The following LTBP1 variants were observed in gnomAD, a reference collection of about 807,000 sequenced individuals.
LTBP1 encodes latent transforming growth factor beta binding protein 1.
Under a neutral mutation model 207.6 loss-of-function variants are expected in LTBP1, and 129 were observed. The ratio of observed to expected loss-of-function variants is 0.62; its 90% CI spans 0.54 to 0.72. The LOEUF (loss-of-function observed/expected upper bound fraction) is 0.72, where lower values mean the gene tolerates loss of function less well. Ranked by LOEUF, LTBP1 falls within the 30% of genes least tolerant of loss-of-function variation. The pLI, the probability that LTBP1 is intolerant of heterozygous loss-of-function variation, is 0.00. For missense variants in LTBP1, 2,281 were observed against 2,217.2 expected, an observed-to-expected ratio of 1.03 and a Z score of -0.58; for synonymous variants, 963 against 833.7, an observed-to-expected ratio of 1.16 and a Z score of -2.67.
rs1326452939 is a variant in LTBP1 at position 33,222,103 on chromosome 2, A to G, written c.1828A>G (p.Met610Val). ...KPSYHGYNQMMECLPGYKRVN... is the reference protein window; with the variant it reads ...KPSYHGYNQMVECLPGYKRVN... ...AGCTTATCATGGATACAACCAAATG[A>G]TGGAATGCCTACCGGGTTATAAGCG... The change falls in exon 9 of 34, where the codon ATG (methionine) becomes GTG (valine). Residue 610 changes from methionine (M) to valine (V), a missense_variant. Physicochemically the swap from Met to Val is conservative, Grantham distance 21 (BLOSUM62 1). Coordinates refer to ENST00000404816, the MANE Select transcript of LTBP1 (RefSeq NM_206943.4). 2 of 1,612,944 alleles carry G rather than the reference A, an allele frequency of 1.2e-6. No homozygotes were observed. The highest frequency in any genetic ancestry group is 2.2e-5 in the East Asian group (1 of 44,868).
At chr2:33,315,363 C>G (rs1008896897) in intron 24 of LTBP1, 94 bp downstream of exon 24, 7 of 1,474,528 alleles carry the variant, frequency 4.7e-6, no homozygotes, top group Non-Finnish European at 5.6e-6. Flanking sequence ...CTAAGAGGTA[C>G]TGCATAATTC....
intron 7 of LTBP1, among the ~76,000 whole-genome samples, chr2:33,190,092 T>C (rs1436983283): frequency 6.6e-6 from 1 of 152,146 alleles, no homozygotes; most frequent in Admixed American, 6.5e-5. Context: ...AAGTGTAACT[T>C]TAGGCCTACA....
intron 22 of LTBP1, among the ~76,000 whole-genome samples, chr2:33,306,121 GC>G (rs2094087797): frequency 6.6e-6 from 1 of 151,850 alleles, no homozygotes; most frequent in Non-Finnish European, 1.5e-5. Context: ...TAAAGGCCTT[GC>G]AAAAAAAAAT....
intron 3 of LTBP1, among the ~76,000 whole-genome samples, chr2:33,072,412 C>G (rs1273664688): frequency 1.3e-5 from 2 of 152,134 alleles, no homozygotes; most frequent in African/African-American, 4.8e-5. Context: ...CAAGGCCTGT[C>G]CAGATTCTCA....
chr2:33,242,411 A>G (rs890597789), intron 9 of LTBP1, among the ~76,000 whole-genome samples: 5 of 152,050 alleles, frequency 3.3e-5, no homozygotes, highest in African/African-American at 7.2e-5. Flanking sequence ...TTAAGTGTCT[A>G]TTTGTAGCAG....
At chr2:33,238,239 C>T (rs767783355) in intron 9 of LTBP1, among the ~76,000 whole-genome samples, 8 of 152,172 alleles carry the variant, frequency 5.3e-5, no homozygotes, top group Non-Finnish European at 1.0e-4. Flanking sequence ...TATTTTCACA[C>T]AGTAGAAAGA....
At chr2:33,345,172 A>T (rs1367856996) in intron 25 of LTBP1, among the ~76,000 whole-genome samples, 1 of 152,164 alleles carries the variant, frequency 6.6e-6, no homozygotes, top group Non-Finnish European at 1.5e-5. Flanking sequence ...CTCATCCTTC[A>T]GCTATTTGCT....
chr2:32,991,176 G>C (rs1033228675), intron 2 of LTBP1, among the ~76,000 whole-genome samples: 1 of 152,106 alleles, frequency 6.6e-6, no homozygotes, highest in African/African-American at 2.4e-5. Context: ...CAGAAGATAT[G>C]ATCTTATATG....
intron 24 of LTBP1, among the ~76,000 whole-genome samples, chr2:33,318,510 A>G (rs1207375675): frequency 2.6e-5 from 4 of 152,232 alleles, no homozygotes; most frequent in African/African-American, 9.6e-5. Context: ...TGTTTATAAC[A>G]CAGCATAGTT....
intron 31 of LTBP1, among the ~76,000 whole-genome samples, chr2:33,368,184 G>A (rs930936812): frequency 2.0e-5 from 3 of 151,988 alleles, no homozygotes; most frequent in Non-Finnish European, 2.9e-5. Context: ...TCCAGCCTGG[G>A]CGACAGAGCG....
intron 2 of LTBP1, among the ~76,000 whole-genome samples, chr2:32,950,071 A>T (rs575954947): frequency 6.6e-6 from 1 of 152,318 alleles, no homozygotes; most frequent in African/African-American, 2.4e-5. Context: ...GTAACTTCTT[A>T]AATTATACTT....
At position 32,947,009 on chromosome 2, in the gene LTBP1, G is replaced by GCGCGCGCTGCAACCCCCGGCCGGA. The variant is rs1676274916; in HGVS notation, c.-309_-286dup. 1 of 217,504 alleles carries GCGCGCGCTGCAACCCCCGGCCGGA rather than the reference G, an allele frequency of 4.6e-6. No individual in the cohort carries two copies. Among genetic ancestry groups the GCGCGCGCTGCAACCCCCGGCCGGA allele is most frequent in the Non-Finnish European group, 9.0e-6 (1 of 110,880 alleles). 13.5% of individuals were successfully genotyped at this position (217,504 alleles called of 1,614,324 possible). A position where few individuals can be genotyped will look rare whatever the true frequency, so the allele number is the denominator to read the frequency against. On this transcript the variant is annotated 5_prime_UTR_variant, in exon 1 of 34. Coordinates refer to ENST00000404816, the MANE Select transcript of LTBP1 (RefSeq NM_206943.4). ...GCCACCCTCGCCGGGCCCCGCTGCG[G>GCGCGCGCTGCAACCCCCGGCCGGA]CGCGCGCTGCAACCCCCGGCCGGAC...
intron 11 of LTBP1, among the ~76,000 whole-genome samples, chr2:33,254,348 A>G (rs2092768338): frequency 6.6e-6 from 1 of 152,078 alleles, no homozygotes; most frequent in African/African-American, 2.4e-5. Context: ...GTTCAGGGGT[A>G]AAAGTGGAAG....
At chr2:33,056,370 G>C in intron 3 of LTBP1, 1 of 1,253,324 alleles carries the variant, frequency 8.0e-7, no homozygotes, top group Non-Finnish European at 1.0e-6. Flanking sequence ...GGTTTTCTTT[G>C]GTAACAGAAT....
chr2:33,392,319 T>C (rs747023792), intron 32 of LTBP1, among the ~76,000 whole-genome samples: 31 of 152,022 alleles, frequency 2.0e-4, no homozygotes, highest in African/African-American at 5.8e-4. Flanking sequence ...TGAGTAGCCC[T>C]GGGATTATAG....
chr2:33,238,085 A>G (rs2092134654), intron 9 of LTBP1, among the ~76,000 whole-genome samples: 1 of 129,186 alleles, frequency 7.7e-6, no homozygotes, highest in Admixed American at 7.3e-5. Context: ...AAATAACTTA[A>G]TAGTCTGTCT....
intron 3 of LTBP1, among the ~76,000 whole-genome samples, chr2:33,044,146 C>CT (rs1278202994): frequency 6.7e-6 from 1 of 149,240 alleles, no homozygotes; most frequent in Non-Finnish European, 1.5e-5. Context: ...TTTAATTATA[C>CT]TTTAAGTTCT....
chr2:33,020,711 T>C (rs2075123669), intron 2 of LTBP1, among the ~76,000 whole-genome samples, 198 bp from the exon 3 acceptor site: 1 of 152,206 alleles, frequency 6.6e-6, no homozygotes, highest in South Asian at 2.1e-4. Context: ...TTTAGAACAG[T>C]GCCTGTCACA....
At chr2:33,188,900 A>G (rs1181303241) in intron 7 of LTBP1, 49 bp downstream of exon 7, 9 of 1,556,480 alleles carry the variant, frequency 5.8e-6, no homozygotes, top group East Asian at 2.3e-5. Flanking sequence ...CAGATATGGT[A>G]TCATTTTAAC....
Sources: gnomAD v4.1 joint callset for allele counts (sites outside exome capture counted in the v4.1 genomes callset) on GRCh38, gnomAD v4.1.1 for gene constraint, MANE v1.5 for transcripts, NCBI Gene and HGNC (gene_info 2026-07-23, HGNC 2026-07-21) for gene names.